Variants in TGFA observed in about 807,000 individuals in gnomAD.
The protein encoded by TGFA is protransforming growth factor alpha.
A neutral mutation model predicts 21.7 loss-of-function variants in TGFA; 12 were observed. The ratio of observed to expected loss-of-function variants is 0.55; its 90% confidence interval spans 0.35 to 0.90. The LOEUF (loss-of-function observed/expected upper bound fraction) is 0.90, where lower values mean the gene tolerates loss of function less well. Ranked by LOEUF, TGFA falls within the 40% of genes least tolerant of loss-of-function variation. The probability of loss-of-function intolerance (pLI) is 0.01; values close to 1 mark genes in which losing one functional copy is unlikely to be tolerated. For synonymous variants in TGFA, 79 were observed against 88.1 expected (o/e 0.90, Z 0.58); for missense variants, 178 against 210.8 (o/e 0.84, Z 0.96).
intron 2 of TGFA, among the ~76,000 whole-genome samples, chr2:70,489,150 C>A (rs1553497137): frequency 6.6e-6 from 1 of 152,208 alleles, no homozygotes; most frequent in East Asian, 1.9e-4. Context: ...GTAAACTGTG[C>A]TGCCTGTCTG....
In TGFA at chr2:70,447,694, T is replaced by A. The variant is rs1449074905; in HGVS notation, c.*3165A>T. 6.6e-6 allele frequency: 1 copy of A among 152,350 alleles called. No individual in the cohort carries two copies. The highest frequency in any genetic ancestry group is 6.5e-5 in the Admixed American group (1 of 15,280). 9.4% of individuals were successfully genotyped at this position (152,350 alleles called of 1,614,324 possible). Reference sequence around the variant, plus strand: ...TCTTTCAGAAAGCCTGGTAAATCAATGGCTAGAGAGAACAGGTCTTATGTT... The same window carrying A: ...TCTTTCAGAAAGCCTGGTAAATCAAAGGCTAGAGAGAACAGGTCTTATGTT... On this transcript the variant is annotated 3_prime_UTR_variant, in exon 6 of 6. Transcript: ENST00000295400.
intron 2 of TGFA, among the ~76,000 whole-genome samples, chr2:70,489,149 G>A (rs1476884083): frequency 1.3e-5 from 2 of 152,190 alleles, no homozygotes; most frequent in Non-Finnish European, 2.9e-5. Flanking sequence ...TGTAAACTGT[G>A]CTGCCTGTCT....
chr2:70,505,246 T>C (rs1553499966), intron 2 of TGFA, among the ~76,000 whole-genome samples: 1 of 152,194 alleles, frequency 6.6e-6, no homozygotes, highest in African/African-American at 2.4e-5. Flanking sequence ...TCACACAATT[T>C]TGATGTTAAA....
At chr2:70,502,241 T>C (rs1671759014) in intron 2 of TGFA, among the ~76,000 whole-genome samples, 7 of 152,232 alleles carry the variant, frequency 4.6e-5, no homozygotes, top group Admixed American at 3.3e-4. Context: ...ATTCTAAAAG[T>C]AAAGCTCAGT....
chr2:70,509,248 G>A (rs1266036196), intron 2 of TGFA, among the ~76,000 whole-genome samples: 6 of 152,194 alleles, frequency 3.9e-5, no homozygotes, highest in South Asian at 2.1e-4. Context: ...ACAATGGAAC[G>A]GGGAAGCAGT....
chr2:70,538,105 A>G (rs1482349728), intron 1 of TGFA, among the ~76,000 whole-genome samples: 1 of 152,214 alleles, frequency 6.6e-6, no homozygotes, highest in Non-Finnish European at 1.5e-5. Context: ...GCAAAGCCTG[A>G]TTACAGCATA....
intron 4 of TGFA, 30 bp downstream of exon 4, chr2:70,456,309 G>C (rs1553490491): frequency 6.5e-7 from 1 of 1,532,456 alleles, no homozygotes; most frequent in Admixed American, 2.0e-5. Flanking sequence ...GTGGGCAGGG[G>C]ACCTGGCCTT....
intron 2 of TGFA, among the ~76,000 whole-genome samples, chr2:70,487,049 A>T (rs1671291632): frequency 6.6e-6 from 1 of 152,244 alleles, no homozygotes; most frequent in Non-Finnish European, 1.5e-5. Context: ...GGCATGTGCC[A>T]CTGCGCCCAG....
intron 1 of TGFA, among the ~76,000 whole-genome samples, chr2:70,530,599 G>C (rs751993698): frequency 1.9e-4 from 29 of 151,928 alleles, no homozygotes; most frequent in Non-Finnish European, 3.5e-4. Flanking sequence ...ATGGGCCACA[G>C]GTTGGACAAC....
At chr2:70,462,946 G>A (rs1445690882) in intron 3 of TGFA, among the ~76,000 whole-genome samples, 2 of 152,116 alleles carry the variant, frequency 1.3e-5, no homozygotes, top group Admixed American at 6.5e-5. Flanking sequence ...GGATGACCCT[G>A]GCCTTTCTCA....
chr2:70,519,260 A>G (rs1319120249), intron 1 of TGFA, among the ~76,000 whole-genome samples: 2 of 152,188 alleles, frequency 1.3e-5, no homozygotes, highest in African/African-American at 4.8e-5. Context: ...CCTGCTGCTC[A>G]GGGAGAGGTC....
At chr2:70,518,983 GTTT>G (rs1672370914) in intron 1 of TGFA, among the ~76,000 whole-genome samples, 1 of 152,200 alleles carries the variant, frequency 6.6e-6, no homozygotes, top group Admixed American at 6.5e-5. Flanking sequence ...GTAAGTTTTT[GTTT>G]TCAGGGGGAT....
chr2:70,517,207 A>G (rs1425334566), intron 1 of TGFA, among the ~76,000 whole-genome samples: 1 of 152,234 alleles, frequency 6.6e-6, no homozygotes, highest in African/African-American at 2.4e-5. Context: ...TCCACAGATG[A>G]AAGACACTGG....
intron 1 of TGFA, among the ~76,000 whole-genome samples, chr2:70,537,944 C>T (rs1673021727): frequency 6.6e-6 from 1 of 152,194 alleles, no homozygotes; most frequent in African/African-American, 2.4e-5. Context: ...GAAGTCAATG[C>T]CTGGCTTAAA....
At chr2:70,523,346 G>A (rs1672534967) in intron 1 of TGFA, among the ~76,000 whole-genome samples, 1 of 152,104 alleles carries the variant, frequency 6.6e-6, no homozygotes, top group African/African-American at 2.4e-5. Context: ...TGTGTCCCAG[G>A]GCTCTTCAAG....
At chr2:70,455,289 C>T (rs1181748096) in intron 4 of TGFA, among the ~76,000 whole-genome samples, 1 of 152,200 alleles carries the variant, frequency 6.6e-6, no homozygotes, top group African/African-American at 2.4e-5. Flanking sequence ...CTCACTGTTA[C>T]CAGAACCAGG....
intron 1 of TGFA, among the ~76,000 whole-genome samples, chr2:70,539,843 GT>G (rs1356819304): frequency 1.3e-5 from 2 of 152,260 alleles, no homozygotes; most frequent in East Asian, 3.9e-4. Flanking sequence ...TGCCACTTAA[GT>G]TCCTTTTTCA....
chr2:70,493,520 C>A (rs1671493353), intron 2 of TGFA, among the ~76,000 whole-genome samples: 1 of 152,196 alleles, frequency 6.6e-6, no homozygotes, highest in Non-Finnish European at 1.5e-5. Flanking sequence ...TGGCTTCTAA[C>A]CTCTGTGTTT....
intron 2 of TGFA, among the ~76,000 whole-genome samples, chr2:70,466,124 G>T (rs1670552044): frequency 6.6e-6 from 1 of 152,144 alleles, no homozygotes; most frequent in Admixed American, 6.5e-5. Context: ...AGGTACAAAA[G>T]AATATTCTGT....
Sources: allele counts gnomAD v4.1 joint callset (sites outside exome capture counted in the v4.1 genomes callset), GRCh38; gene constraint gnomAD v4.1.1; transcripts MANE v1.5; gene names NCBI Gene and HGNC (gene_info 2026-07-23, HGNC 2026-07-21).